STK32B: variants seen among roughly 807,000 people sequenced by gnomAD.
The protein encoded by STK32B is serine/threonine kinase 32B.
In STK32B, 43 loss-of-function variants were observed where a neutral mutation model predicts 52.6. That is an observed-to-expected ratio of 0.82 (90% CI 0.64 to 1.05). The LOEUF is 1.05. Among genes scored for constraint, STK32B ranks in the 50% least tolerant of loss-of-function variants. The pLI, the probability that STK32B is intolerant of heterozygous loss-of-function variation, is 0.00. For synonymous variants in STK32B, 238 were observed against 204.3 expected, an observed-to-expected ratio of 1.17 and a Z score of -1.41; for missense variants, 621 against 534.6, an observed-to-expected ratio of 1.16 and a Z score of -1.59.
intron 1 of STK32B, among the ~76,000 whole-genome samples, chr4:5,111,616 G>T (rs1230058394): frequency 6.6e-6 from 1 of 152,014 alleles, no homozygotes; most frequent in Non-Finnish European, 1.5e-5. Flanking sequence ...ACTTCAAAAG[G>T]GGTTGGGAAG....
At chr4:5,282,544 T>C (rs1728274127) in intron 3 of STK32B, among the ~76,000 whole-genome samples, 1 of 152,152 alleles carries the variant, frequency 6.6e-6, no homozygotes, top group Admixed American at 6.5e-5. Context: ...GCTGTACTAA[T>C]GCTTCTTCTT....
intron 2 of STK32B, among the ~76,000 whole-genome samples, chr4:5,157,729 A>G (rs898556896): frequency 6.6e-5 from 10 of 152,216 alleles, no homozygotes; most frequent in Non-Finnish European, 7.3e-5. Context: ...AGGGAACTGA[A>G]TGAGTTAATT....
At chr4:5,211,515 G>A (rs1056684355) in intron 3 of STK32B, among the ~76,000 whole-genome samples, 15 of 130,302 alleles carry the variant, frequency 1.2e-4, no homozygotes, top group African/African-American at 3.9e-4. Context: ...GTCCCCAGGA[G>A]GACCAGGGGG....
At chr4:5,403,217 CA>C (rs1024354026) in intron 5 of STK32B, among the ~76,000 whole-genome samples, 1 of 152,162 alleles carries the variant, frequency 6.6e-6, no homozygotes. Context: ...GCCATACCCC[CA>C]ACACCTCCTT....
At chr4:5,186,015 C>T (rs904017589) in intron 3 of STK32B, among the ~76,000 whole-genome samples, 1 of 152,230 alleles carries the variant, frequency 6.6e-6, no homozygotes, top group South Asian at 2.1e-4. Context: ...ACCGTCTGTT[C>T]TTCGGTCACT....
chr4:5,338,047 CA>C (rs1355801364), intron 4 of STK32B, among the ~76,000 whole-genome samples: 6 of 151,970 alleles, frequency 3.9e-5, no homozygotes, highest in Admixed American at 1.3e-4. Context: ...AGTTAGATAC[CA>C]AAATTATAAC....
At chr4:5,364,460 G>A (rs1040870874) in intron 4 of STK32B, among the ~76,000 whole-genome samples, 1 of 152,222 alleles carries the variant, frequency 6.6e-6, no homozygotes, top group African/African-American at 2.4e-5. Context: ...AACCCCCACT[G>A]CCTGTGTCCA....
chr4:5,468,047 A>G lies in STK32B; in HGVS notation c.1083A>G (p.Glu361=), dbSNP rs1717577318. The G allele has an allele frequency of 6.2e-7, 1 of 1,614,052 alleles. No homozygotes were observed. Among genetic ancestry groups the G allele is most frequent in the African/African-American group, 1.3e-5 (1 of 75,046 alleles). ...ACTGTTTGGAGACTGTCCGGGAGGA[A>G]TTCATCATATTCAACAGAGAGAAGT... is the stretch of plus-strand genomic sequence containing the variant. ...LQHCLETVRE[E]FIIFNREKLR... is the part of the protein sequence containing the mutation. Residue 361 remains glutamate, a synonymous_variant, in exon 11 of 12, where the codon GAA becomes GAG. Coordinates refer to ENST00000282908, the MANE Select transcript of STK32B (RefSeq NM_018401.3).
rs553819534 is a variant in STK32B at position 5,278,409 on chromosome 4, G to A, written c.261-52811G>A. 2.0e-4 allele frequency among the ~76,000 whole-genome samples: 30 copies of A among 152,246 alleles called. No homozygotes were observed. In the South Asian group the frequency reaches 5.2e-3, roughly 26 times the overall value. ...CAGCGCATATGTGGGCGTAGGAGAT[G>A]AGACCTTGGGCCCTTGTGAGACAGG... On this transcript the variant is annotated intron_variant, in intron 3 of 11. Transcript: ENST00000282908.
At chr4:5,144,293 G>A (rs1716736554) in intron 2 of STK32B, among the ~76,000 whole-genome samples, 1 of 152,136 alleles carries the variant, frequency 6.6e-6, no homozygotes. Context: ...TTCTGCATAG[G>A]GCTGTTGTGA....
Position 5,374,600 on chromosome 4 carries a change from A to G in STK32B, c.435-23607A>G, listed in dbSNP as rs538991892. ...GGCGAGGGCCTGCTCCCCATAGAAG[A>G]TGCTTCTGTATGTCCTTAAGTGGTA... On this transcript the variant is annotated intron_variant, in intron 4 of 11. Transcript: ENST00000282908. 1.7e-3 allele frequency among the ~76,000 whole-genome samples: 260 copies of G among 152,286 alleles called. 1 individual carries two copies. Among genetic ancestry groups the G allele is most frequent in the African/African-American group, 5.1e-3 (213 of 41,560 alleles).
At chr4:5,280,397 A>G (rs992050072) in intron 3 of STK32B, among the ~76,000 whole-genome samples, 9 of 152,146 alleles carry the variant, frequency 5.9e-5, no homozygotes, top group African/African-American at 2.2e-4. Context: ...CAAGCATTCA[A>G]CAAGTCTCTA....
chr4:5,343,738 A>G (rs1010770913), intron 4 of STK32B, among the ~76,000 whole-genome samples: 14 of 152,352 alleles, frequency 9.2e-5, no homozygotes, highest in Admixed American at 9.1e-4. Context: ...ATCTAATTAA[A>G]GAGCTTCTGC....
intron 1 of STK32B, among the ~76,000 whole-genome samples, chr4:5,059,642 C>T (rs1460235826): frequency 2.0e-5 from 3 of 152,008 alleles, no homozygotes; most frequent in East Asian, 1.9e-4. Context: ...TGTTATAAAC[C>T]GTACGCCAAT....
chr4:5,194,586 T>G (rs891253057), intron 3 of STK32B, among the ~76,000 whole-genome samples: 1 of 152,166 alleles, frequency 6.6e-6, no homozygotes, highest in African/African-American at 2.4e-5. Flanking sequence ...GGAATTCTCC[T>G]TAGTTTTTAT....
rs548032175 is a variant in STK32B at position 5,388,851 on chromosome 4, T to C, written c.435-9356T>C. 2.0e-5 allele frequency among the ~76,000 whole-genome samples: 3 copies of C among 152,358 alleles called. No homozygotes were observed. The East Asian group carries it at 5.8e-4, about 29-fold the overall frequency. ...ACATGTTTGTGAATCCCAAAACCTTTGAAATCTCCCTGAGATATACTTGGG... is the reference window on the plus strand; with the variant it reads ...ACATGTTTGTGAATCCCAAAACCTTCGAAATCTCCCTGAGATATACTTGGG... On this transcript the variant is annotated intron_variant, in intron 4 of 11. Coordinates refer to ENST00000282908, the MANE Select transcript of STK32B (RefSeq NM_018401.3).
intron 6 of STK32B, among the ~76,000 whole-genome samples, chr4:5,446,367 A>T (rs902989045): frequency 6.6e-6 from 1 of 152,160 alleles, no homozygotes; most frequent in East Asian, 1.9e-4. Context: ...AGAGTTCGAG[A>T]CCAGCCTGGC....
At chr4:5,491,018 G>A (rs1264725133) in intron 11 of STK32B, among the ~76,000 whole-genome samples, 7 of 152,168 alleles carry the variant, frequency 4.6e-5, no homozygotes, top group Non-Finnish European at 1.0e-4. Flanking sequence ...ATTGTGAATA[G>A]TGCCATAATA....
chr4:5,224,062 C>T (rs1174195621), intron 3 of STK32B, among the ~76,000 whole-genome samples: 2 of 152,248 alleles, frequency 1.3e-5, no homozygotes, highest in East Asian at 1.9e-4. Context: ...CTTTGAATCT[C>T]ACGCATATCT....
Sources: gnomAD v4.1 joint callset for allele counts (sites outside exome capture counted in the v4.1 genomes callset) on GRCh38, gnomAD v4.1.1 for gene constraint, MANE v1.5 for transcripts, NCBI Gene and HGNC (gene_info 2026-07-23, HGNC 2026-07-21) for gene names.